RAPGEF4: variants seen among roughly 807,000 people sequenced by gnomAD.
RAPGEF4 encodes the protein RAP guanine-nucleotide-exchange factor (GEF) 4.
Under a neutral mutation model 147.9 loss-of-function variants are expected in RAPGEF4, and 66 were observed. The ratio of observed to expected loss-of-function variants is 0.45; its 90% CI spans 0.37 to 0.55. The LOEUF is 0.55. RAPGEF4 is among the 20% of genes least tolerant of loss of function. The probability of loss-of-function intolerance (pLI) is 0.00; values close to 1 mark genes in which losing one functional copy is unlikely to be tolerated. For missense variants in RAPGEF4, 1,071 were observed against 1,257.3 expected (o/e 0.85, Z 2.24); for synonymous variants, 419 against 442.7 (o/e 0.95, Z 0.67).
intron 4 of RAPGEF4, among the ~76,000 whole-genome samples, chr2:172,840,330 G>C (rs1044905867): frequency 2.0e-5 from 3 of 152,204 alleles, no homozygotes; most frequent in Admixed American, 6.5e-5. Flanking sequence ...TGCAATTCTG[G>C]AAGGCGAAGA....
Position 172,877,153 on chromosome 2 carries a change from G to A in RAPGEF4, c.445-40649G>A, listed in dbSNP as rs949864113. 7.2e-5 allele frequency among the ~76,000 whole-genome samples: 11 copies of A among 152,156 alleles called. No individual in the cohort carries two copies. The South Asian group carries it at 1.7e-3, about 23-fold the overall frequency. On this transcript the variant is annotated intron_variant, in intron 4 of 30. Transcript: ENST00000397081. ...TGATAGATTGGATAAAGAAAATGGG[G>A]CATATATACACCATGGAATACTATG...
At chr2:172,951,542 G>T (rs1056022663) in intron 6 of RAPGEF4, among the ~76,000 whole-genome samples, 2 of 152,236 alleles carry the variant, frequency 1.3e-5, no homozygotes, top group Non-Finnish European at 2.9e-5. Flanking sequence ...GGTAAAGAGT[G>T]CCAGATATGG....
At chr2:172,965,786 T>A in intron 9 of RAPGEF4, 103 bp downstream of exon 9, 1 of 1,453,850 alleles carries the variant, frequency 6.9e-7, no homozygotes, top group Non-Finnish European at 9.6e-7. Context: ...AGAATTACGA[T>A]CCCTTTAGGG....
chr2:173,020,541 T>G, intron 22 of RAPGEF4, 77 bp from the exon 23 acceptor site: 1 of 1,137,008 alleles, frequency 8.8e-7, no homozygotes, highest in Non-Finnish European at 1.3e-6. Flanking sequence ...AAGCTGGCAA[T>G]TTGTTGGTGT....
intron 1 of RAPGEF4, among the ~76,000 whole-genome samples, chr2:172,751,604 T>G (rs1263759064): frequency 6.6e-6 from 1 of 152,016 alleles, no homozygotes; most frequent in Non-Finnish European, 1.5e-5. Flanking sequence ...GTAGTGTTAT[T>G]TTAGAGAGGG....
intron 22 of RAPGEF4, among the ~76,000 whole-genome samples, 188 bp downstream of exon 22, chr2:173,018,990 G>T (rs763516776): frequency 2.0e-5 from 3 of 152,188 alleles, no homozygotes; most frequent in Non-Finnish European, 4.4e-5. Context: ...CCCCTATCTG[G>T]TAGGTACCCA....
At chr2:173,043,745 C>T (rs1300236595) in intron 29 of RAPGEF4, among the ~76,000 whole-genome samples, 1 of 152,218 alleles carries the variant, frequency 6.6e-6, no homozygotes, top group African/African-American at 2.4e-5. Context: ...CGCAAAGGCC[C>T]AGTCTGAGAA....
chr2:172,984,385 T>C (rs1003978069), intron 11 of RAPGEF4, among the ~76,000 whole-genome samples: 2 of 152,250 alleles, frequency 1.3e-5, no homozygotes. Flanking sequence ...GTCCCTGCTG[T>C]TGGGGATAAG....
At chr2:172,790,961 G>T (rs913827016) in intron 1 of RAPGEF4, among the ~76,000 whole-genome samples, 1 of 152,188 alleles carries the variant, frequency 6.6e-6, no homozygotes, top group African/African-American at 2.4e-5. Context: ...TGGAGGCTGG[G>T]AAGTCCAGTA....
At chr2:172,832,117 T>C (rs938935057) in intron 4 of RAPGEF4, among the ~76,000 whole-genome samples, 18 of 152,196 alleles carry the variant, frequency 1.2e-4, no homozygotes, top group Non-Finnish European at 4.4e-5. Flanking sequence ...GTGTGAAATA[T>C]TGCCTTTGTT....
intron 16 of RAPGEF4, among the ~76,000 whole-genome samples, chr2:172,998,541 G>A (rs1693593668): frequency 1.3e-5 from 2 of 152,298 alleles, no homozygotes; most frequent in African/African-American, 4.8e-5. Context: ...TCATGCCACT[G>A]CACTCCAGCT....
chr2:172,938,325 G>A (rs1355495395), intron 6 of RAPGEF4, among the ~76,000 whole-genome samples: 2 of 151,820 alleles, frequency 1.3e-5, no homozygotes, highest in Non-Finnish European at 2.9e-5. Context: ...CACATGGATC[G>A]TTCTAGTCCT....
intron 25 of RAPGEF4, among the ~76,000 whole-genome samples, chr2:173,028,557 T>TTA (rs148490114): frequency 5.3e-5 from 8 of 151,778 alleles, no homozygotes; most frequent in Non-Finnish European, 1.0e-4. Context: ...GGACTTTTTT[T>TTA]TATATATATA....
At chr2:172,970,100 G>A (rs1033982586) in intron 10 of RAPGEF4, among the ~76,000 whole-genome samples, 10 of 151,624 alleles carry the variant, frequency 6.6e-5, no homozygotes, top group South Asian at 2.1e-4. Context: ...AACAGCTCCC[G>A]AGAGATGGGA....
chr2:173,004,342 A>G (rs1430533096), intron 17 of RAPGEF4, among the ~76,000 whole-genome samples: 2 of 152,158 alleles, frequency 1.3e-5, no homozygotes, highest in Non-Finnish European at 2.9e-5. Flanking sequence ...TTCAATTTCT[A>G]TACTTTTCAT....
At chr2:173,011,170 G>GCACACACACACA (rs1553548086) in intron 17 of RAPGEF4, among the ~76,000 whole-genome samples, 11 of 133,498 alleles carry the variant, frequency 8.2e-5, no homozygotes, top group Admixed American at 6.6e-4. Flanking sequence ...GCGCGCGCGC[G>GCACACACACACA]CACACACACA....
intron 5 of RAPGEF4, among the ~76,000 whole-genome samples, chr2:172,920,111 T>C (rs1684580613): frequency 6.6e-6 from 1 of 152,130 alleles, no homozygotes; most frequent in African/African-American, 2.4e-5. Flanking sequence ...ATACAGAAAG[T>C]GGAGAGAATG....
intron 6 of RAPGEF4, among the ~76,000 whole-genome samples, chr2:172,937,415 G>A (rs1455346067): frequency 6.6e-6 from 1 of 152,100 alleles, no homozygotes; most frequent in Non-Finnish European, 1.5e-5. Context: ...TATAGGTCGG[G>A]TATTTGGTAG....
chr2:172,805,348 A>G (rs1309192348), intron 3 of RAPGEF4, among the ~76,000 whole-genome samples: 3 of 152,246 alleles, frequency 2.0e-5, no homozygotes, highest in Non-Finnish European at 4.4e-5. Context: ...TAGGAAATGC[A>G]TAGATTATTC....
Sources: allele counts gnomAD v4.1 joint callset (sites outside exome capture counted in the v4.1 genomes callset), GRCh38; gene constraint gnomAD v4.1.1; transcripts MANE v1.5; gene names NCBI Gene and HGNC (gene_info 2026-07-23, HGNC 2026-07-21).